ZNF208: variants seen among roughly 807,000 people sequenced by gnomAD.
ZNF208 encodes zinc finger protein 95.
A neutral mutation model predicts 12.1 loss-of-function variants in ZNF208; 10 were observed. That is an observed-to-expected ratio of 0.83 (90% CI 0.51 to 1.40). The LOEUF (loss-of-function observed/expected upper bound fraction) is 1.40. Among genes scored for constraint, ZNF208 ranks in the 40% most tolerant of loss-of-function variants. The pLI, the probability that ZNF208 is intolerant of heterozygous loss-of-function variation, is 0.00. For synonymous variants in ZNF208, 497 were observed against 488.4 expected (o/e 1.02, Z -0.23); for missense variants, 1,652 against 1,485.0 (o/e 1.11, Z -1.85).
chr19:21,950,629 G>C (rs1969874842), intron 4 of ZNF208, among the ~76,000 whole-genome samples: 1 of 152,020 alleles, frequency 6.6e-6, no homozygotes, highest in South Asian at 2.1e-4. Flanking sequence ...AAGTAGCTGG[G>C]ATTACAGGCA....
chr19:22,007,521 A>C (rs1245392665), intron 1 of ZNF208, among the ~76,000 whole-genome samples: 1 of 151,298 alleles, frequency 6.6e-6, no homozygotes, highest in Non-Finnish European at 1.5e-5. Context: ...AAAAAAAAAA[A>C]AAAAAAAAAG....
intron 1 of ZNF208, among the ~76,000 whole-genome samples, chr19:21,996,055 C>T (rs546339482): frequency 1.8e-4 from 27 of 152,242 alleles, no homozygotes; most frequent in Admixed American, 1.5e-3. Flanking sequence ...TTGGGTGTTA[C>T]AGCAAGTAGA....
At chr19:21,985,571 C>T (rs1970617899) in intron 3 of ZNF208, among the ~76,000 whole-genome samples, 3 of 152,294 alleles carry the variant, frequency 2.0e-5, no homozygotes, top group South Asian at 2.1e-4. Flanking sequence ...AAATGTCCCA[C>T]CCAACTTGGT....
intron 3 of ZNF208, among the ~76,000 whole-genome samples, chr19:21,978,654 A>C (rs983868753): frequency 6.6e-6 from 1 of 152,216 alleles, no homozygotes; most frequent in African/African-American, 2.4e-5. Context: ...CAAAACCCAG[A>C]ATGCCTGTTC....
Position 21,972,586 on chromosome 19 carries a change from C to T in ZNF208, c.2448G>A (p.Lys816=), listed in dbSNP as rs373773330. 2.1e-4 allele frequency: 333 copies of T among 1,612,866 alleles called. No homozygotes were observed. Among genetic ancestry groups the T allele is most frequent in the Middle Eastern group, 1.3e-3 (8 of 6,054 alleles). ...KCEECGKTFS[K]VSTLTTHKAI... ...CCTTATGTGTAGTAAGGGTTGAGAC[C>T]TTACTAAAGGTTTTGCCACATTCTT... is the stretch of plus-strand genomic sequence containing the variant. Residue 816 remains lysine (K), a synonymous_variant, in exon 4 of 4, where the codon AAG becomes AAA. Transcript: ENST00000397126.
chr19:21,971,070 A>G lies in ZNF208; in HGVS notation c.*121T>C, dbSNP rs146530006. ...ATTCTCTTATGTTCCATAAGGTTTG[A>G]GGACCAGTTGAAAGCCTCACCACAT... On this transcript the variant is annotated 3_prime_UTR_variant, in exon 4 of 4. Transcript: ENST00000397126. The G allele has an allele frequency of 1.3e-3, 2,151 of 1,612,516 alleles. 16 individuals carry two copies. The African/African-American group carries it at 0.02, about 15-fold the overall frequency.
At chr19:21,954,565 A>T (rs1969941286) in intron 4 of ZNF208, among the ~76,000 whole-genome samples, 1 of 152,106 alleles carries the variant, frequency 6.6e-6, no homozygotes, top group African/African-American at 2.4e-5. Flanking sequence ...TTCTTGTTGC[A>T]TTGATCCCTT....
chr19:21,982,470 C>T (rs767136546), intron 3 of ZNF208, among the ~76,000 whole-genome samples: 4 of 151,740 alleles, frequency 2.6e-5, no homozygotes, highest in Non-Finnish European at 4.4e-5. Flanking sequence ...CTATCCCCAT[C>T]AAGCTACCAT....
At chr19:21,965,947 C>T (rs1970157485), downstream of ZNF208, 1 of 151,776 alleles carries the variant, frequency 6.6e-6, no homozygotes, top group African/African-American at 2.4e-5. Flanking sequence ...ACTTTTTGGG[C>T]TATAGACTAA....
At chr19:21,957,380 G>T (rs1599604718) in intron 4 of ZNF208, among the ~76,000 whole-genome samples, 1 of 152,100 alleles carries the variant, frequency 6.6e-6, no homozygotes, top group South Asian at 2.1e-4. Context: ...ACAGAAAAAC[G>T]CTAGTTCTTT....
chr19:21,964,091 G>C (rs1423246329), downstream of ZNF208, among the ~76,000 whole-genome samples: 2 of 151,758 alleles, frequency 1.3e-5, no homozygotes, highest in African/African-American at 2.4e-5. Flanking sequence ...ACATCACACT[G>C]TATGCCATAA....
At chr19:21,997,387 C>G (rs1305987094) in intron 1 of ZNF208, among the ~76,000 whole-genome samples, 1 of 152,178 alleles carries the variant, frequency 6.6e-6, no homozygotes, top group Non-Finnish European at 1.5e-5. Flanking sequence ...AACCCCGGTG[C>G]CTACTGAAGG....
In ZNF208 at chr19:21,971,748, A is replaced by C; in HGVS notation, c.3286T>G (p.Trp1096Gly). 1.2e-6 allele frequency: 2 copies of C among 1,612,916 alleles called. No homozygotes were observed. The highest frequency in any genetic ancestry group is 1.7e-6 in the Non-Finnish European group (2 of 1,179,702). The change falls in exon 4 of 4, where the codon TGG becomes GGG. Residue 1096 changes from tryptophan to glycine, a missense_variant. Physicochemically the swap from Trp to Gly is radical, Grantham distance 184. This residue lies in a region of ZNF208 where 1,239 missense variants were observed against 1,086.2 expected (regional missense o/e 1.14). Transcript: ENST00000397126. ...TTATGTTCCATAAGGTTTGAGGACC[A>C]GTTGAAAGCTTTGCCACATTCTTCA... ...KCEECGKAFN[W>G]SSNLMEHKRI...
At chr19:21,962,160 C>A (rs1269392536), downstream of ZNF208, among the ~76,000 whole-genome samples, 2 of 152,134 alleles carry the variant, frequency 1.3e-5, no homozygotes, top group East Asian at 3.9e-4. Flanking sequence ...GAAATCTTCA[C>A]AATTTATGTT....
intron 1 of ZNF208, among the ~76,000 whole-genome samples, chr19:21,999,020 TA>T (rs1970891350): frequency 1.2e-4 from 9 of 76,178 alleles, no homozygotes; most frequent in Non-Finnish European, 1.6e-4. Flanking sequence ...TATAATTTTA[TA>T]GCATAATTTT....
chr19:21,972,288 G>A lies in ZNF208; in HGVS notation c.2746C>T (p.Pro916Ser). 1 of 1,613,608 alleles carries A rather than the reference G, an allele frequency of 6.2e-7. No individual in the cohort carries two copies. Among genetic ancestry groups the A allele is most frequent in the Non-Finnish European group, 8.5e-7 (1 of 1,179,904 alleles). The change falls in exon 4 of 4, where the codon CCC (proline) becomes TCC (serine). Residue 916 changes from proline (P) to serine (S), a missense_variant. Pro to Ser is a moderately conservative substitution (Grantham distance 74). Around this residue, in one of 3 missense-constraint regions of ZNF208, gnomAD observed 1,239 missense variants for 1,086.2 expected, o/e 1.14. Coordinates refer to ENST00000397126, the MANE Select transcript of ZNF208 (RefSeq NM_007153.3). ...TTGCCACATTCTTCACATTTGTAGG[G>A]TTTCTCTCCAGTATGAATTACCTCA... is the stretch of plus-strand genomic sequence containing the variant. ...KHEVIHTGEK[P>S]YKCEECGKAF... is the part of the protein sequence containing the mutation.
At chr19:21,953,378 TA>T (rs933712729) in intron 4 of ZNF208, among the ~76,000 whole-genome samples, 1 of 146,344 alleles carries the variant, frequency 6.8e-6, no homozygotes, top group African/African-American at 2.6e-5. Context: ...CTTACCAAGG[TA>T]AAAATGAAAG....
chr19:21,956,022 A>G (rs1007314777), intron 4 of ZNF208, among the ~76,000 whole-genome samples: 1 of 148,356 alleles, frequency 6.7e-6, no homozygotes, highest in African/African-American at 2.4e-5. Flanking sequence ...TTTGGTGTGG[A>G]TGTCCCTTCT....
chr19:21,994,295 C>T (rs568719216), intron 1 of ZNF208, among the ~76,000 whole-genome samples: 6 of 152,198 alleles, frequency 3.9e-5, no homozygotes, highest in African/African-American at 1.4e-4. Context: ...AAGTAAGATC[C>T]TATAATACAT....
Sources: allele counts gnomAD v4.1 joint callset (sites outside exome capture counted in the v4.1 genomes callset), GRCh38; gene constraint gnomAD v4.1.1; regional missense constraint gnomAD v4.1.1; transcripts MANE v1.5; gene names NCBI Gene and HGNC (gene_info 2026-07-23, HGNC 2026-07-21).